GNB1L: variants seen among roughly 807,000 people sequenced by gnomAD.
GNB1L encodes the protein guanine nucleotide-binding protein subunit beta-like protein 1.
GNB1L carries 20 observed loss-of-function variants against 29.1 expected under a neutral mutation model. That is an observed-to-expected ratio of 0.69 (90% CI 0.48 to 1.00). The LOEUF (loss-of-function observed/expected upper bound fraction) is 1.00, where lower values mean the gene tolerates loss of function less well. Among genes scored for constraint, GNB1L ranks in the 50% least tolerant of loss-of-function variants. The probability of loss-of-function intolerance (pLI) is 0.00; values close to 1 mark genes in which losing one functional copy is unlikely to be tolerated. For synonymous variants in GNB1L, 193 were observed against 206.5 expected, an observed-to-expected ratio of 0.93 and a Z score of 0.56; for missense variants, 421 against 464.9, an observed-to-expected ratio of 0.91 and a Z score of 0.87.
chr22:19,837,585 T>C (rs1244004891), intron 2 of GNB1L, among the ~76,000 whole-genome samples: 1 of 152,212 alleles, frequency 6.6e-6, no homozygotes. Flanking sequence ...AGACTGACCA[T>C]TCCAGTTGCT....
chr22:19,820,500 C>T, intron 4 of GNB1L, 98 bp downstream of exon 4: 1 of 1,341,640 alleles, frequency 7.5e-7, no homozygotes. Flanking sequence ...GGTTCCCCCA[C>T]CCCATTCTGC....
intron 7 of GNB1L, chr22:19,792,595 A>G: frequency 6.3e-7 from 1 of 1,597,502 alleles, no homozygotes; most frequent in Non-Finnish European, 8.5e-7. Flanking sequence ...CTGGCCCACA[A>G]GTACAGACCA....
At chr22:19,836,542 C>CT (rs1210590856) in intron 2 of GNB1L, among the ~76,000 whole-genome samples, 1 of 152,170 alleles carries the variant, frequency 6.6e-6, no homozygotes, top group African/African-American at 2.4e-5. Context: ...ATGAGGCTAG[C>CT]ACTAACCCAA....
rs1937159854 is a variant in GNB1L, at chr22:19,783,274, G to A, written c.*5435C>T. 2 of 503,158 alleles carry A rather than the reference G, an allele frequency of 4.0e-6. No homozygotes were observed. Among genetic ancestry groups the A allele is most frequent in the South Asian group, 4.1e-5 (2 of 49,380 alleles). 31.2% of individuals were successfully genotyped at this position (503,158 alleles called of 1,614,324 possible). A position where few individuals can be genotyped will look rare whatever the true frequency, so the allele number is the denominator to read the frequency against. ...GCAAGAGATAATGGCACCAGGATGA[G>A]GCCAAATGACTCGATTTCTCTACAC... On this transcript the variant is annotated 3_prime_UTR_variant, in exon 8 of 8. Coordinates refer to ENST00000329517, the MANE Select transcript of GNB1L (RefSeq NM_053004.3).
intron 5 of GNB1L, among the ~76,000 whole-genome samples, chr22:19,811,266 A>G (rs970203027): frequency 2.0e-5 from 3 of 152,174 alleles, no homozygotes; most frequent in Non-Finnish European, 4.4e-5. Context: ...GCCAAGCCCA[A>G]CTGTGCGTGG....
At chr22:19,797,195 G>A (rs1251043640) in intron 7 of GNB1L, among the ~76,000 whole-genome samples, 2 of 152,096 alleles carry the variant, frequency 1.3e-5, no homozygotes, top group Non-Finnish European at 2.9e-5. Flanking sequence ...CATCCATCGG[G>A]AGAAGAGGGA....
At chr22:19,818,261 C>G (rs908068263) in intron 4 of GNB1L, among the ~76,000 whole-genome samples, 2 of 152,266 alleles carry the variant, frequency 1.3e-5, no homozygotes, top group Admixed American at 1.3e-4. Context: ...TGCAGGACAG[C>G]CTGATACCAC....
chr22:19,801,982 C>G lies in GNB1L; in HGVS notation c.732+19G>C. ...AGTGCAGAGCAGGATAAATGAGACC[C>G]GGGGCCTGGCGCACTGACCTGCAGG... On this transcript the variant is annotated intron_variant, in intron 7 of 7. Transcript: ENST00000329517. The G allele has an allele frequency of 3.2e-6, 5 of 1,550,616 alleles. No individual in the cohort carries two copies. The East Asian group carries it at 1.2e-4, about 37-fold the overall frequency.
At chr22:19,829,409 A>C (rs1167832580) in intron 2 of GNB1L, among the ~76,000 whole-genome samples, 1 of 152,218 alleles carries the variant, frequency 6.6e-6, no homozygotes, top group Non-Finnish European at 1.5e-5. Flanking sequence ...AAATTAATAA[A>C]ATAAAAAACA....
intron 2 of GNB1L, among the ~76,000 whole-genome samples, chr22:19,821,661 C>T (rs1179826756): frequency 3.9e-5 from 6 of 152,222 alleles, no homozygotes; most frequent in Admixed American, 2.0e-4. Context: ...CCTCCTCGCA[C>T]CGTGCCTGTT....
At chr22:19,792,770 C>T (rs1010376022) in intron 7 of GNB1L, 15 of 1,486,186 alleles carry the variant, frequency 1.0e-5, no homozygotes, top group African/African-American at 6.9e-5. Flanking sequence ...TGATTGCAGA[C>T]GACGTGGATC....
chr22:19,844,870 C>T (rs1937927432), intron 2 of GNB1L, among the ~76,000 whole-genome samples: 1 of 152,236 alleles, frequency 6.6e-6, no homozygotes, highest in Non-Finnish European at 1.5e-5. Flanking sequence ...CATCCCCGTG[C>T]ACCAGTTCAG....
At chr22:19,823,564 C>T (rs908152741) in intron 2 of GNB1L, among the ~76,000 whole-genome samples, 1 of 152,224 alleles carries the variant, frequency 6.6e-6, no homozygotes, top group Admixed American at 6.5e-5. Flanking sequence ...AAAGCACCTC[C>T]ACCTAGCAGG....
chr22:19,810,144 G>C (rs1199297435), intron 5 of GNB1L, among the ~76,000 whole-genome samples: 1 of 152,222 alleles, frequency 6.6e-6, no homozygotes, highest in East Asian at 1.9e-4. Context: ...ATGGGGTGGG[G>C]AGGTAGGGGA....
intron 7 of GNB1L, among the ~76,000 whole-genome samples, chr22:19,789,864 C>G (rs1391914869): frequency 1.3e-5 from 2 of 150,776 alleles, no homozygotes; most frequent in Non-Finnish European, 3.0e-5. Flanking sequence ...AAGATACGCT[C>G]TAATAAAATT....
At chr22:19,847,555 G>A (rs1412316549) in intron 2 of GNB1L, 19 of 985,144 alleles carry the variant, frequency 1.9e-5, no homozygotes, top group Admixed American at 1.2e-4. Flanking sequence ...CAGCTCATGC[G>A]GGGAGGGGAG....
intron 2 of GNB1L, among the ~76,000 whole-genome samples, chr22:19,829,549 GAAGAA>G (rs1937651589): frequency 6.6e-6 from 1 of 152,082 alleles, no homozygotes; most frequent in African/African-American, 2.4e-5. Flanking sequence ...GCTCTGATCA[GAAGAA>G]AAGTATAGAC....
In GNB1L at chr22:19,816,707, C is replaced by A. The variant is rs1273502424; in HGVS notation, c.254+3891G>T. Among the ~76,000 whole-genome samples, 1 of 152,214 alleles carries A rather than the reference C, an allele frequency of 6.6e-6. No homozygotes were observed. The highest frequency in any genetic ancestry group is 1.5e-5 in the Non-Finnish European group (1 of 68,030). On this transcript the variant is annotated intron_variant, in intron 4 of 7. Coordinates refer to ENST00000329517, the MANE Select transcript of GNB1L (RefSeq NM_053004.3). This position sits in a 1 kb window ranked among gnomAD's most constrained non-coding sequence, Gnocchi z 4.4. ...ACAACTTACATACACAAACCTCACA[C>A]ACACAACACACAGGTTCTTTCTCAC...
At chr22:19,832,962 C>T (rs1332583617) in intron 2 of GNB1L, among the ~76,000 whole-genome samples, 3 of 152,216 alleles carry the variant, frequency 2.0e-5, no homozygotes, top group Non-Finnish European at 2.9e-5. Flanking sequence ...ATGTCAAAAG[C>T]TCTGAAAATA....
Sources: allele counts gnomAD v4.1 joint callset (sites outside exome capture counted in the v4.1 genomes callset), GRCh38; gene constraint gnomAD v4.1.1; non-coding constraint Gnocchi (gnomAD v3.1); transcripts MANE v1.5; gene names NCBI Gene and HGNC (gene_info 2026-07-23, HGNC 2026-07-21).